The following MRTFB variants were observed in gnomAD, a reference collection of about 807,000 sequenced individuals.
MRTFB encodes myocardin related transcription factor B.
Under a neutral mutation model 104.2 loss-of-function variants are expected in MRTFB, and 29 were observed. The observed-to-expected ratio is 0.28, with a 90% CI of 0.21 to 0.38. The LOEUF (loss-of-function observed/expected upper bound fraction) is 0.38, where lower values mean the gene tolerates loss of function less well. Among genes scored for constraint, MRTFB ranks in the 10% least tolerant of loss-of-function variants. The pLI is 1.00. For missense variants in MRTFB, 1,270 were observed against 1,341.6 expected, an observed-to-expected ratio of 0.95 and a Z score of 0.83; for synonymous variants, 535 against 519.5, an observed-to-expected ratio of 1.03 and a Z score of -0.41.
chr16:13,997,245 C>A, the MRTFB span, among the ~76,000 whole-genome samples: 1 of 152,180 alleles, frequency 6.6e-6, no homozygotes, highest in African/African-American at 2.4e-5. Context: ...AAAGAAAATT[C>A]TCAAAGAAGC....
chr16:14,103,382 C>G (rs72783469), intron 2 of MRTFB, among the ~76,000 whole-genome samples: 9,027 of 152,172 alleles, frequency 0.059, 511 homozygotes, highest in East Asian at 0.29. Context: ...AAGGGTATTT[C>G]TTCTTCCATA....
chr16:14,088,369 A>G (rs1007082741), intron 2 of MRTFB, among the ~76,000 whole-genome samples: 6 of 152,232 alleles, frequency 3.9e-5, no homozygotes, highest in African/African-American at 1.4e-4. Context: ...GGACTTGGGC[A>G]TGCAGCTAGT....
intron 10 of MRTFB, among the ~76,000 whole-genome samples, chr16:14,245,156 TGCTGGG>T (rs1299152177): frequency 6.6e-6 from 1 of 152,210 alleles, no homozygotes; most frequent in African/African-American, 2.4e-5. Flanking sequence ...TTTCTGGATT[TGCTGGG>T]GCTCTCTCAT....
intron 15 of MRTFB, among the ~76,000 whole-genome samples, chr16:14,255,261 T>A (rs946834866): frequency 4.6e-5 from 7 of 152,272 alleles, no homozygotes; most frequent in Middle Eastern, 3.4e-3. Context: ...GCTGACATGT[T>A]CACAAATAGG....
At chr16:14,014,874 A>G in the MRTFB span, among the ~76,000 whole-genome samples, 2 of 152,132 alleles carry the variant, frequency 1.3e-5, no homozygotes, top group South Asian at 2.1e-4. Context: ...TCTCAAAAAA[A>G]TAAAAAATAA....
chr16:14,073,983 G>A (rs537207419), intron 1 of MRTFB, among the ~76,000 whole-genome samples: 3 of 152,162 alleles, frequency 2.0e-5, no homozygotes, highest in Non-Finnish European at 2.9e-5. Flanking sequence ...TGTTACCTAC[G>A]TATAACATTT....
rs765508951 is a variant in MRTFB at position 14,246,834 on chromosome 16, C to G, written c.1574C>G (p.Thr525Ser). Residue 525 changes from threonine to serine, a missense_variant, in exon 12 of 17, where the codon ACT becomes AGT. By Grantham distance (58) the Thr-to-Ser change is moderately conservative (BLOSUM62 1). This residue lies in a region of MRTFB where 1,144 missense variants were observed against 1,131.5 expected (regional missense o/e 1.01). Transcript: ENST00000571589. ...LSTDDTNMADTFTEIMTMMSP... is the reference protein window; with the variant it reads ...LSTDDTNMADSFTEIMTMMSP... Reference sequence around the variant, plus strand: ...ACTGATGACACAAACATGGCAGACACTTTCACCGAGATTATGACCATGATG... The same window carrying G: ...ACTGATGACACAAACATGGCAGACAGTTTCACCGAGATTATGACCATGATG... The G allele has an allele frequency of 6.2e-6, 10 of 1,612,596 alleles. No homozygotes were observed. The highest frequency in any genetic ancestry group is 1.6e-4 in the Middle Eastern group (1 of 6,084).
the MRTFB span, among the ~76,000 whole-genome samples, chr16:14,024,839 A>G: frequency 6.6e-6 from 1 of 152,304 alleles, no homozygotes; most frequent in Admixed American, 6.5e-5. Flanking sequence ...CAATTTTCAC[A>G]ACACTGTCAT....
intron 2 of MRTFB, among the ~76,000 whole-genome samples, chr16:14,126,677 C>T (rs1377066142): frequency 6.6e-6 from 1 of 152,158 alleles, no homozygotes. Context: ...CTTCAATTCT[C>T]CCATCAATCC....
chr16:14,142,536 C>T (rs74865954), intron 3 of MRTFB: 1 of 152,260 alleles, frequency 6.6e-6, no homozygotes, highest in Non-Finnish European at 1.5e-5. Flanking sequence ...GCGTGAGCCA[C>T]CACGCCCAGG....
intron 3 of MRTFB, chr16:14,200,952 T>C: frequency 1.4e-6 from 2 of 1,435,342 alleles, no homozygotes; most frequent in Non-Finnish European, 2.0e-6. Flanking sequence ...GACAAAACAC[T>C]GGAGATGATC....
intron 2 of MRTFB, among the ~76,000 whole-genome samples, chr16:14,129,848 A>C (rs1041914086): frequency 6.6e-6 from 1 of 151,946 alleles, no homozygotes; most frequent in African/African-American, 2.4e-5. Flanking sequence ...TTGTTTTTTG[A>C]GATGGAGTTT....
chr16:14,082,496 T>G (rs1198131467), intron 2 of MRTFB, among the ~76,000 whole-genome samples: 1 of 152,188 alleles, frequency 6.6e-6, no homozygotes, highest in African/African-American at 2.4e-5. Flanking sequence ...TTTTATTTTA[T>G]TCAAGATTGT....
At chr16:14,245,389 G>C in intron 10 of MRTFB, 139 bp from the exon 11 acceptor site, 1 of 662,504 alleles carries the variant, frequency 1.5e-6, no homozygotes, top group Non-Finnish European at 2.4e-6. Context: ...TAATGTAATT[G>C]GCATCTTTAC....
intron 2 of MRTFB, among the ~76,000 whole-genome samples, chr16:14,101,121 T>C (rs1054391712): frequency 6.8e-6 from 1 of 146,842 alleles, no homozygotes; most frequent in African/African-American, 2.7e-5. Flanking sequence ...CACATAATTA[T>C]GTAGGGTTTT....
At chr16:14,134,973 T>TA (rs1220496817) in intron 2 of MRTFB, among the ~76,000 whole-genome samples, 1 of 152,176 alleles carries the variant, frequency 6.6e-6, no homozygotes, top group Admixed American at 6.5e-5. Context: ...TCAAGCTGAG[T>TA]AAATATTCTT....
At chr16:14,060,609 C>T in the MRTFB span, among the ~76,000 whole-genome samples, 1 of 152,068 alleles carries the variant, frequency 6.6e-6, no homozygotes, top group Admixed American at 6.6e-5. Flanking sequence ...GGGTCTCAGG[C>T]TTGGCAGTGC....
At chr16:14,144,996 G>GTGTATATATATA (rs1567380323) in intron 3 of MRTFB, among the ~76,000 whole-genome samples, 21 of 103,408 alleles carry the variant, frequency 2.0e-4, no homozygotes, top group African/African-American at 1.4e-3. Flanking sequence ...ATATATATAT[G>GTGTATATATATA]TATATATATA....
the MRTFB span, among the ~76,000 whole-genome samples, chr16:14,011,638 C>T: frequency 6.6e-6 from 1 of 152,142 alleles, no homozygotes; most frequent in African/African-American, 2.4e-5. Context: ...GTAATCCCAG[C>T]ACTTTGGGAG....
Sources: allele counts gnomAD v4.1 joint callset (sites outside exome capture counted in the v4.1 genomes callset), GRCh38; gene constraint gnomAD v4.1.1; regional missense constraint gnomAD v4.1.1; transcripts MANE v1.5; gene names NCBI Gene and HGNC (gene_info 2026-07-23, HGNC 2026-07-21).